NEK6: variants seen among roughly 807,000 people sequenced by gnomAD.
NEK6 encodes the protein NIMA related kinase 6.
In NEK6, 27 loss-of-function variants were observed where a neutral mutation model predicts 43.5. The observed-to-expected ratio is 0.62, with a 90% confidence interval of 0.46 to 0.86. The LOEUF is 0.86. Ranked by LOEUF, NEK6 falls within the 40% of genes least tolerant of loss-of-function variation. NEK6 has a pLI of 0.00. For synonymous variants in NEK6, 167 were observed against 164.1 expected (o/e 1.02, Z -0.14); for missense variants, 318 against 414.4 (o/e 0.77, Z 2.02).
rs563656278 is a variant in NEK6 at position 124,312,484 on chromosome 9, G to A, written c.91-25G>A. 40 of 1,607,524 alleles carry A rather than the reference G, an allele frequency of 2.5e-5. No individual in the cohort carries two copies. In the East Asian group the frequency reaches 4.5e-4, roughly 18 times the overall value. On this transcript the variant is annotated intron_variant, in intron 2 of 9. Transcript: ENST00000320246. Reference sequence around the variant, plus strand: ...CCTCTGCTGCAGCCTGGCTGCTCACGGAGGCCCTCTGTCCCCCGTTCCAGA... The same window carrying A: ...CCTCTGCTGCAGCCTGGCTGCTCACAGAGGCCCTCTGTCCCCCGTTCCAGA...
chr9:124,258,122 C>T, intron 1 of NEK6, 37 bp downstream of exon 1: 1 of 978,650 alleles, frequency 1.0e-6, no homozygotes, highest in Non-Finnish European at 1.2e-6. Context: ...CCGGTGGGGC[C>T]CCGCGGCCCG....
At chr9:124,330,005 T>C (rs1828887507) in intron 7 of NEK6, among the ~76,000 whole-genome samples, 1 of 152,156 alleles carries the variant, frequency 6.6e-6, no homozygotes, top group African/African-American at 2.4e-5. Flanking sequence ...AACCACCTCA[T>C]CTCCTAAGGC....
chr9:124,271,288 G>A (rs182316070), intron 1 of NEK6, among the ~76,000 whole-genome samples: 2 of 152,248 alleles, frequency 1.3e-5, no homozygotes, highest in African/African-American at 2.4e-5. Context: ...TCTCACTCAG[G>A]AACAACGCCA....
chr9:124,261,825 C>T (rs1035965452), intron 1 of NEK6, among the ~76,000 whole-genome samples: 17 of 152,142 alleles, frequency 1.1e-4, no homozygotes, highest in Admixed American at 3.9e-4. Context: ...CTTTGAGATG[C>T]GTTAATTTAA....
chr9:124,310,288 C>T (rs1000854073), intron 2 of NEK6, among the ~76,000 whole-genome samples: 2 of 152,240 alleles, frequency 1.3e-5, no homozygotes, highest in South Asian at 2.1e-4. Context: ...GGCGCGTGGG[C>T]GGTGTCTGCA....
intron 1 of NEK6, among the ~76,000 whole-genome samples, chr9:124,265,096 A>G (rs189191787): frequency 1.3e-5 from 2 of 152,206 alleles, no homozygotes; most frequent in East Asian, 1.9e-4. Flanking sequence ...ATTAAGGGAC[A>G]TGGGTTTTTA....
chr9:124,313,774 CTACAGGGGCTGGGAG>C, intron 3 of NEK6, 134 bp from the exon 4 acceptor site: 1 of 719,640 alleles, frequency 1.4e-6, no homozygotes, highest in Non-Finnish European at 2.4e-6. Flanking sequence ...TGAGCAAGCC[CTACAGGGGCTGGGAG>C]TGCAGGGGGG....
At chr9:124,320,810 G>T (rs1053676636) in intron 4 of NEK6, among the ~76,000 whole-genome samples, 3 of 152,152 alleles carry the variant, frequency 2.0e-5, no homozygotes, top group East Asian at 1.9e-4. Context: ...ATTTCACAAG[G>T]GCCAGGCATG....
At chr9:124,337,951 G>A (rs141454325) in intron 7 of NEK6, among the ~76,000 whole-genome samples, 84 of 152,216 alleles carry the variant, frequency 5.5e-4, no homozygotes, top group East Asian at 5.2e-3. Flanking sequence ...AGATGGGTGC[G>A]TAATTGTACC....
chr9:124,259,498 G>A (rs905250651), intron 1 of NEK6: 3 of 152,052 alleles, frequency 2.0e-5, no homozygotes, highest in Non-Finnish European at 2.9e-5. Flanking sequence ...ACAAAACCTG[G>A]AAGGAAGCAA....
chr9:124,315,928 A>G (rs1833793639), intron 4 of NEK6, among the ~76,000 whole-genome samples: 1 of 152,220 alleles, frequency 6.6e-6, no homozygotes, highest in Admixed American at 6.5e-5. Flanking sequence ...CATGATGACA[A>G]CAGGGACGCT....
At chr9:124,317,271 A>G (rs189171397) in intron 4 of NEK6, among the ~76,000 whole-genome samples, 67 of 152,238 alleles carry the variant, frequency 4.4e-4, no homozygotes, top group African/African-American at 1.5e-3. Context: ...TCCTTTTTTG[A>G]TAACAGGGTC....
chr9:124,339,907 G>A (rs1287491670), intron 8 of NEK6, among the ~76,000 whole-genome samples: 2 of 14,716 alleles, frequency 1.4e-4, no homozygotes, highest in Admixed American at 1.3e-3. Context: ...TCCAGGAAGG[G>A]AAGACAGAGG....
At chr9:124,257,865 G>C (rs1830865956), upstream of NEK6, 1 of 1,055,770 alleles carries the variant, frequency 9.5e-7, no homozygotes, top group African/African-American at 1.7e-5. Flanking sequence ...TCAAGCTTGC[G>C]TGGCGGCAGC....
chr9:124,309,402 G>A (rs1197778730), intron 2 of NEK6, among the ~76,000 whole-genome samples: 1 of 152,126 alleles, frequency 6.6e-6, no homozygotes, highest in African/African-American at 2.4e-5. Context: ...TGGGAACCCC[G>A]GCCAGACTCC....
intron 1 of NEK6, among the ~76,000 whole-genome samples, chr9:124,295,233 G>A (rs1832626433): frequency 6.6e-6 from 1 of 152,242 alleles, no homozygotes; most frequent in Admixed American, 6.5e-5. Context: ...ATCCGGGCAG[G>A]ATGCTTGGCT....
chr9:124,351,247 T>A lies in NEK6; in HGVS notation c.*300T>A, dbSNP rs1830259695. ...GCCACGGCAGCCCCCTGTATCTGGA[T>A]TGTAATGTGAATCTTTAGGGTAATT... is the stretch of plus-strand genomic sequence containing the variant. On this transcript the variant is annotated 3_prime_UTR_variant, in exon 10 of 10. Coordinates refer to ENST00000320246, the MANE Select transcript of NEK6 (RefSeq NM_014397.6). 1 of 304,618 alleles carries A rather than the reference T, an allele frequency of 3.3e-6. No individual in the cohort carries two copies. The highest frequency in any genetic ancestry group is 2.2e-5 in the African/African-American group (1 of 46,384). 18.9% of individuals were successfully genotyped at this position (304,618 alleles called of 1,614,324 possible).
chr9:124,292,197 G>A (rs1832455281), intron 1 of NEK6: 2 of 1,266,054 alleles, frequency 1.6e-6, no homozygotes, highest in Admixed American at 3.4e-5. Context: ...TGGAGCTCCA[G>A]GGACCTTGAC....
chr9:124,330,626 C>G (rs7874883), intron 7 of NEK6, among the ~76,000 whole-genome samples: 2 of 152,382 alleles, frequency 1.3e-5, no homozygotes, highest in East Asian at 3.9e-4. Context: ...CTGGGTCTCC[C>G]AGGGCTTAGC....
Sources: allele counts gnomAD v4.1 joint callset (sites outside exome capture counted in the v4.1 genomes callset), GRCh38; gene constraint gnomAD v4.1.1; transcripts MANE v1.5; gene names NCBI Gene and HGNC (gene_info 2026-07-23, HGNC 2026-07-21).